Variants in CCDC85A observed in about 807,000 individuals in gnomAD.
CCDC85A encodes coiled-coil domain containing 85A.
A neutral mutation model predicts 50.2 loss-of-function variants in CCDC85A; 38 were observed. The ratio of observed to expected loss-of-function variants is 0.76; its 90% CI spans 0.58 to 0.99. The LOEUF (loss-of-function observed/expected upper bound fraction) is 0.99, where lower values mean the gene tolerates loss of function less well. CCDC85A is among the 50% of genes least tolerant of loss of function. The pLI is 0.00. For synonymous variants in CCDC85A, 366 were observed against 301.4 expected, an observed-to-expected ratio of 1.21 and a Z score of -2.22; for missense variants, 820 against 742.0, an observed-to-expected ratio of 1.11 and a Z score of -1.22.
chr2:56,328,893 G>T (rs1368615057), intron 2 of CCDC85A, among the ~76,000 whole-genome samples: 1 of 151,976 alleles, frequency 6.6e-6, no homozygotes, highest in Non-Finnish European at 1.5e-5. Context: ...TCTCATTCTT[G>T]TTTCTTTTCT....
intron 2 of CCDC85A, among the ~76,000 whole-genome samples, chr2:56,341,199 T>C (rs1674351528): frequency 6.6e-6 from 1 of 152,226 alleles, no homozygotes; most frequent in South Asian, 2.1e-4. Context: ...GAAGATCATA[T>C]ACCAATTAAA....
chr2:56,208,183 C>A (rs1391169038), intron 2 of CCDC85A, among the ~76,000 whole-genome samples: 1 of 151,906 alleles, frequency 6.6e-6, no homozygotes, highest in Non-Finnish European at 1.5e-5. Context: ...ACAATGAGGT[C>A]ACATGTCTGC....
intron 3 of CCDC85A, among the ~76,000 whole-genome samples, chr2:56,363,715 C>T (rs1369890043): frequency 6.6e-6 from 1 of 152,166 alleles, no homozygotes; most frequent in Non-Finnish European, 1.5e-5. Flanking sequence ...GGCTCTAGTT[C>T]TGTGCATGTG....
chr2:56,374,186 C>T (rs1358362272), intron 4 of CCDC85A, among the ~76,000 whole-genome samples: 3 of 152,040 alleles, frequency 2.0e-5, no homozygotes, highest in Admixed American at 6.5e-5. Context: ...CTGAGGAAGC[C>T]ACGTACATGC....
At chr2:56,352,259 T>C (rs1052658876) in intron 3 of CCDC85A, among the ~76,000 whole-genome samples, 30 of 152,208 alleles carry the variant, frequency 2.0e-4, no homozygotes, top group African/African-American at 7.2e-4. Context: ...AATATAAACA[T>C]AATATAGATC....
chr2:56,242,848 G>A (rs7588401), intron 2 of CCDC85A, among the ~76,000 whole-genome samples: 5 of 151,676 alleles, frequency 3.3e-5, no homozygotes, highest in Non-Finnish European at 7.4e-5. Context: ...CAGTCCAGTG[G>A]CCTGGAGAAT....
chr2:56,237,871 T>A (rs1669090180), intron 2 of CCDC85A, among the ~76,000 whole-genome samples: 2 of 152,104 alleles, frequency 1.3e-5, no homozygotes, highest in South Asian at 4.1e-4. Flanking sequence ...CTAATAGGGA[T>A]TGGTGGCTTG....
chr2:56,333,446 A>G (rs909003395), intron 2 of CCDC85A, among the ~76,000 whole-genome samples: 2 of 152,220 alleles, frequency 1.3e-5, no homozygotes, highest in Non-Finnish European at 2.9e-5. Context: ...ATGAAGTCAG[A>G]GAGAAAACAG....
chr2:56,306,915 T>C (rs1672472890), intron 2 of CCDC85A, among the ~76,000 whole-genome samples: 1 of 152,128 alleles, frequency 6.6e-6, no homozygotes, highest in South Asian at 2.1e-4. Flanking sequence ...GTTACCATGT[T>C]AGGAAGACAT....
At chr2:56,217,783 G>A (rs1487102314) in intron 2 of CCDC85A, among the ~76,000 whole-genome samples, 2 of 151,816 alleles carry the variant, frequency 1.3e-5, no homozygotes, top group African/African-American at 4.8e-5. Context: ...TAAAGCATAT[G>A]ATGTAGTTAT....
At chr2:56,301,686 A>T in intron 2 of CCDC85A, among the ~76,000 whole-genome samples, 1 of 152,176 alleles carries the variant, frequency 6.6e-6, no homozygotes, top group East Asian at 1.9e-4. Context: ...GAATGGCTCA[A>T]CAAAAGGTGG....
At chr2:56,361,664 G>A (rs1273250497) in intron 3 of CCDC85A, among the ~76,000 whole-genome samples, 2 of 152,176 alleles carry the variant, frequency 1.3e-5, no homozygotes, top group African/African-American at 4.8e-5. Flanking sequence ...GAGGAACAAT[G>A]CCAATGTGGC....
intron 2 of CCDC85A, among the ~76,000 whole-genome samples, chr2:56,236,982 A>T (rs931057741): frequency 6.6e-6 from 1 of 152,148 alleles, no homozygotes; most frequent in Non-Finnish European, 1.5e-5. Flanking sequence ...CAGCTTTTCT[A>T]TGAATTTCTT....
chr2:56,228,853 C>T (rs1433664360), intron 2 of CCDC85A, among the ~76,000 whole-genome samples: 1 of 152,138 alleles, frequency 6.6e-6, no homozygotes, highest in Admixed American at 6.6e-5. Flanking sequence ...TTTATTTCCT[C>T]TATACCTGAC....
At chr2:56,354,212 C>T (rs1389692143) in intron 3 of CCDC85A, among the ~76,000 whole-genome samples, 1 of 152,088 alleles carries the variant, frequency 6.6e-6, no homozygotes, top group South Asian at 2.1e-4. Context: ...GTAATTTATA[C>T]CCAACAATAG....
intron 3 of CCDC85A, among the ~76,000 whole-genome samples, chr2:56,346,786 A>G (rs1449894074): frequency 6.6e-6 from 1 of 152,190 alleles, no homozygotes; most frequent in Non-Finnish European, 1.5e-5. Context: ...AAATGGGAAC[A>G]TTTTTTACAG....
At chr2:56,215,374 C>G (rs1256391880) in intron 2 of CCDC85A, among the ~76,000 whole-genome samples, 1 of 151,826 alleles carries the variant, frequency 6.6e-6, no homozygotes, top group Non-Finnish European at 1.5e-5. Context: ...CAGTTTCATA[C>G]TATTTATTTG....
chr2:56,244,868 G>A (rs1157968794), intron 2 of CCDC85A, among the ~76,000 whole-genome samples: 11 of 152,002 alleles, frequency 7.2e-5, no homozygotes, highest in Admixed American at 7.2e-4. Flanking sequence ...TTATCTGAAA[G>A]CTAGGGCCTG....
rs527523505 is a variant in CCDC85A at position 56,215,205 on chromosome 2, G to A, written c.1240+21765G>A. Among the ~76,000 whole-genome samples the A allele has an allele frequency of 2.6e-5, 4 of 152,006 alleles. No homozygotes were observed. The South Asian group carries it at 6.2e-4, about 24-fold the overall frequency. ...TGGTATATAGGAAGGCAATAGACTT[G>A]TGTGTTAACCTTGTATCCTCTGACC... On this transcript the variant is annotated intron_variant, in intron 2 of 5. Transcript: ENST00000407595.
Sources: gnomAD v4.1 joint callset for allele counts (sites outside exome capture counted in the v4.1 genomes callset) on GRCh38, gnomAD v4.1.1 for gene constraint, MANE v1.5 for transcripts, NCBI Gene and HGNC (gene_info 2026-07-23, HGNC 2026-07-21) for gene names.